The following ANKRD44 variants were observed in gnomAD, a reference collection of about 807,000 sequenced individuals.
ANKRD44 encodes the protein ankyrin repeat domain 44.
In ANKRD44, 35 loss-of-function variants were observed where a neutral mutation model predicts 116.0. The observed-to-expected ratio is 0.30, with a 90% confidence interval of 0.23 to 0.40. The LOEUF (loss-of-function observed/expected upper bound fraction) is 0.40. Ranked by LOEUF, ANKRD44 falls within the 10% of genes least tolerant of loss-of-function variation. ANKRD44 has a pLI of 1.00. For missense variants in ANKRD44, 1,014 were observed against 1,242.6 expected, an observed-to-expected ratio of 0.82 and a Z score of 2.77; for synonymous variants, 435 against 461.8, an observed-to-expected ratio of 0.94 and a Z score of 0.74.
At chr2:196,985,231 C>T (rs2075828601), downstream of ANKRD44, among the ~76,000 whole-genome samples, 1 of 152,144 alleles carries the variant, frequency 6.6e-6, no homozygotes, top group South Asian at 2.1e-4. Flanking sequence ...CGTTCCCAGG[C>T]CAACACCATG....
intron 21 of ANKRD44, among the ~76,000 whole-genome samples, chr2:196,973,025 A>G (rs190357868): frequency 1.3e-5 from 2 of 152,212 alleles, no homozygotes; most frequent in East Asian, 1.9e-4. Flanking sequence ...GCTATCTTAG[A>G]TTTGATGAAA....
chr2:197,133,736 T>C (rs2079145676), intron 4 of ANKRD44, among the ~76,000 whole-genome samples: 1 of 152,126 alleles, frequency 6.6e-6, no homozygotes, highest in Non-Finnish European at 1.5e-5. Context: ...TTTCTTCCCC[T>C]CAAATCTACT....
chr2:197,041,302 A>G (rs1038621363), intron 16 of ANKRD44, among the ~76,000 whole-genome samples: 6 of 152,040 alleles, frequency 3.9e-5, no homozygotes, highest in African/African-American at 9.7e-5. Context: ...ACTTTATCCA[A>G]AAGGTCATGG....
Position 196,988,106 on chromosome 2 carries a change from A to G in ANKRD44, c.*1485T>C, listed in dbSNP as rs749772178. On this transcript the variant is annotated 3_prime_UTR_variant, in exon 28 of 28. Coordinates refer to ENST00000282272, the MANE Select transcript of ANKRD44 (RefSeq NM_001195144.2). Reference sequence around the variant, plus strand: ...AGTCAAAACGCAGCTCCATGGAGATAACGTCTCATGGTGAGTCACTGCTTT... The same window carrying G: ...AGTCAAAACGCAGCTCCATGGAGATGACGTCTCATGGTGAGTCACTGCTTT... 4.0e-4 allele frequency: 399 copies of G among 985,396 alleles called. 1 individual carries two copies. The highest frequency in any genetic ancestry group is 4.0e-4 in the Non-Finnish European group (330 of 829,922). 61.0% of individuals were successfully genotyped at this position (985,396 alleles called of 1,614,324 possible). A position where few individuals can be genotyped will look rare whatever the true frequency, so the allele number is the denominator to read the frequency against.
chr2:197,287,801 C>T (rs2083447347), intron 1 of ANKRD44, among the ~76,000 whole-genome samples: 2 of 151,948 alleles, frequency 1.3e-5, no homozygotes, highest in African/African-American at 2.4e-5. Flanking sequence ...GGGCATATCA[C>T]TTGAGGTCAG....
intron 16 of ANKRD44, among the ~76,000 whole-genome samples, chr2:197,051,161 G>A (rs1430536639): frequency 2.0e-5 from 3 of 151,110 alleles, no homozygotes; most frequent in African/African-American, 7.3e-5. Context: ...GGGTTTCGCC[G>A]TGTTGCCCAG....
intron 27 of ANKRD44, among the ~76,000 whole-genome samples, chr2:196,993,144 G>C (rs967356397): frequency 6.6e-6 from 1 of 152,012 alleles, no homozygotes; most frequent in East Asian, 1.9e-4. Flanking sequence ...GTTCTGATCT[G>C]TACTTAAAGA....
At chr2:197,243,305 T>A (rs866861456) in intron 1 of ANKRD44, among the ~76,000 whole-genome samples, 8 of 151,406 alleles carry the variant, frequency 5.3e-5, no homozygotes, top group African/African-American at 1.5e-4. Context: ...AGAAAGACTT[T>A]AAAAAAATAA....
chr2:197,277,536 C>T (rs1291674424), intron 1 of ANKRD44, among the ~76,000 whole-genome samples: 1 of 152,062 alleles, frequency 6.6e-6, no homozygotes, highest in African/African-American at 2.4e-5. Context: ...CATCCAAATT[C>T]AAAGCTACTG....
At chr2:197,254,481 C>T (rs914017351) in intron 1 of ANKRD44, among the ~76,000 whole-genome samples, 1 of 152,106 alleles carries the variant, frequency 6.6e-6, no homozygotes. Flanking sequence ...GTCCTAACAG[C>T]GGAGGAGCAT....
intron 1 of ANKRD44, among the ~76,000 whole-genome samples, chr2:197,303,291 T>G (rs1189510697): frequency 6.6e-6 from 1 of 152,240 alleles, no homozygotes; most frequent in Non-Finnish European, 1.5e-5. Flanking sequence ...CTTAGAATGT[T>G]AGAGCTTGGA....
intron 9 of ANKRD44, among the ~76,000 whole-genome samples, chr2:197,108,268 T>C (rs1435179861): frequency 5.9e-5 from 9 of 152,196 alleles, no homozygotes; most frequent in Non-Finnish European, 1.2e-4. Flanking sequence ...TAGTACCTTT[T>C]TCTCATAGGG....
chr2:196,971,680 C>T (rs2075716827), intron 21 of ANKRD44, among the ~76,000 whole-genome samples: 1 of 152,042 alleles, frequency 6.6e-6, no homozygotes. Context: ...TCATACATAC[C>T]AGAAGAGGAT....
chr2:197,082,550 A>G (rs995604746), intron 14 of ANKRD44, among the ~76,000 whole-genome samples: 1 of 152,212 alleles, frequency 6.6e-6, no homozygotes, highest in Admixed American at 6.5e-5. Context: ...TACATACTAT[A>G]TGAACTATAT....
intron 9 of ANKRD44, among the ~76,000 whole-genome samples, chr2:197,108,871 C>CAACAAAAA (rs936579634): frequency 0.01 from 1,512 of 150,604 alleles, 26 homozygotes; most frequent in African/African-American, 0.036. Context: ...ACAACAACAA[C>CAACAAAAA]AAAAACACAA....
chr2:196,969,749 A>C (rs2075701847), intron 21 of ANKRD44, among the ~76,000 whole-genome samples: 1 of 152,216 alleles, frequency 6.6e-6, no homozygotes. Context: ...ATTGGAATGC[A>C]TAAATAAGGA....
rs913442731 is a variant in ANKRD44, at chr2:197,078,820, A to G, written c.1539-6T>C. The G allele has an allele frequency of 1.2e-6, 2 of 1,611,164 alleles. No homozygotes were observed. Among genetic ancestry groups the G allele is most frequent in the Non-Finnish European group, 1.7e-6 (2 of 1,177,984 alleles). On this transcript the variant is annotated splice_polypyrimidine_tract_variant and splice_region_variant and intron_variant, in intron 15 of 27. Coordinates refer to ENST00000282272, the MANE Select transcript of ANKRD44 (RefSeq NM_001195144.2). ...GAAGCAGAAACTCTAGACATCTGTA[A>G]GTATAAAGATGAAGTGTTATTTTAG...
intron 1 of ANKRD44, among the ~76,000 whole-genome samples, chr2:197,222,148 G>A (rs1445625687): frequency 6.6e-6 from 1 of 152,208 alleles, no homozygotes; most frequent in Non-Finnish European, 1.5e-5. Flanking sequence ...GGCAGATAAT[G>A]TGAGACTGTG....
chr2:197,020,125 A>G (rs1023475917), intron 17 of ANKRD44, among the ~76,000 whole-genome samples: 3 of 152,100 alleles, frequency 2.0e-5, no homozygotes, highest in African/African-American at 7.2e-5. Flanking sequence ...CACACAAGTG[A>G]TTTTAAGCCA....
Sources: gnomAD v4.1 joint callset for allele counts (sites outside exome capture counted in the v4.1 genomes callset) on GRCh38, gnomAD v4.1.1 for gene constraint, MANE v1.5 for transcripts, NCBI Gene and HGNC (gene_info 2026-07-23, HGNC 2026-07-21) for gene names.